The following FRRS1 variants were observed in gnomAD, a reference collection of about 807,000 sequenced individuals.
FRRS1 encodes ferric reductase 1.
FRRS1 carries 51 observed loss-of-function variants against 70.7 expected under a neutral mutation model. The observed-to-expected ratio is 0.72, with a 90% CI of 0.58 to 0.91. FRRS1 has a LOEUF of 0.91. Among genes scored for constraint, FRRS1 ranks in the 40% least tolerant of loss-of-function variants. The pLI is 0.00. For missense variants in FRRS1, 672 were observed against 726.0 expected (o/e 0.93, Z 0.86); for synonymous variants, 225 against 238.7 (o/e 0.94, Z 0.53).
chr1:99,747,237 G>A (rs78283640), intron 4 of FRRS1, 57 bp downstream of exon 4: 20 of 1,393,408 alleles, frequency 1.4e-5, no homozygotes, highest in Non-Finnish European at 1.7e-5. Flanking sequence ...TTTCCCCAGG[G>A]GTGGGGTCTG....
chr1:99,764,978 C>A (rs1657283648), intron 1 of FRRS1, among the ~76,000 whole-genome samples: 2 of 152,168 alleles, frequency 1.3e-5, no homozygotes, highest in South Asian at 4.1e-4. Context: ...TTTTGGTAAA[C>A]CTCTGGATAT....
At chr1:99,715,548 T>C in intron 12 of FRRS1, 38 bp downstream of exon 12, 1 of 1,154,958 alleles carries the variant, frequency 8.7e-7, no homozygotes, top group Non-Finnish European at 1.3e-6. Flanking sequence ...TGACATAAAA[T>C]GGATTTATAA....
Position 99,709,058 on chromosome 1 carries a change from G to A in FRRS1, c.1749C>T (p.Ile583=). 4 of 1,613,756 alleles carry A rather than the reference G, an allele frequency of 2.5e-6. No homozygotes were observed. The highest frequency in any genetic ancestry group is 3.4e-6 in the Non-Finnish European group (4 of 1,179,948). ...GATGGTTGATTGCAGATAAAAATAT[G>A]ATGAGAAAAGTAACATTCCCACAGA... ...IYVCGNVTFL[I]IFLSAINHL Residue 583 remains isoleucine, a synonymous_variant, in exon 17 of 17, where the codon ATC becomes ATT. Transcript: ENST00000646001.
chr1:99,737,993 G>A (rs768638324), intron 7 of FRRS1, 93 bp downstream of exon 7: 85 of 1,007,238 alleles, frequency 8.4e-5, no homozygotes, highest in African/African-American at 7.8e-4. Context: ...CACCTGCCTC[G>A]GCCTCCCAAA....
At chr1:99,738,862 G>A (rs1655810900) in intron 6 of FRRS1, among the ~76,000 whole-genome samples, 1 of 152,044 alleles carries the variant, frequency 6.6e-6, no homozygotes, top group African/African-American at 2.4e-5. Flanking sequence ...ATTGGGGGGA[G>A]AAATAAGCAA....
At chr1:99,743,384 T>A (rs6697945) in intron 4 of FRRS1, among the ~76,000 whole-genome samples, 75,216 of 152,074 alleles carry the variant, frequency 0.49, 22,611 homozygotes, top group African/African-American at 0.85. Context: ...TTTTTCAATA[T>A]ATATATTAGA....
intron 9 of FRRS1, among the ~76,000 whole-genome samples, chr1:99,720,859 A>T (rs930074041): frequency 3.3e-5 from 5 of 151,562 alleles, no homozygotes; most frequent in Admixed American, 2.6e-4. Context: ...ACACACACAC[A>T]CACACACACA....
chr1:99,741,745 A>G (rs11166316), intron 5 of FRRS1, among the ~76,000 whole-genome samples: 75,208 of 152,126 alleles, frequency 0.49, 22,607 homozygotes, highest in African/African-American at 0.85. Context: ...ATTATATAAC[A>G]TAAAGACTCA....
intron 9 of FRRS1, among the ~76,000 whole-genome samples, chr1:99,726,025 C>G (rs1032083684): frequency 1.3e-5 from 2 of 152,162 alleles, no homozygotes; most frequent in Non-Finnish European, 2.9e-5. Context: ...TGCTCCCACC[C>G]AAATCTCACT....
Position 99,705,026 on chromosome 1 carries a change from A to T in FRRS1, c.*4002T>A, listed in dbSNP as rs751840367. 7.2e-5 allele frequency among the ~76,000 whole-genome samples: 11 copies of T among 152,236 alleles called. No homozygotes were observed. Among genetic ancestry groups the T allele is most frequent in the Non-Finnish European group, 1.0e-4 (7 of 68,030 alleles). The stretch of plus-strand genomic sequence containing the variant: ...ACAGAAAGCCCTCTGTCCTTGCAAT[A>T]AGGCAGGGGTCTAATTGAGCTAACA... On this transcript the variant is annotated 3_prime_UTR_variant, in exon 17 of 17. Coordinates refer to ENST00000646001, the MANE Select transcript of FRRS1 (RefSeq NM_001361041.2).
In FRRS1 at chr1:99,708,240, C is replaced by A. The variant is rs142176366; in HGVS notation, c.*788G>T. Reference sequence around the variant, plus strand: ...ACAGTTTCTAAATAAAGTCCACAGACCATTCAGATAAACTAGTAAAAATAG... The same window carrying A: ...ACAGTTTCTAAATAAAGTCCACAGAACATTCAGATAAACTAGTAAAAATAG... On this transcript the variant is annotated 3_prime_UTR_variant, in exon 17 of 17. Coordinates refer to ENST00000646001, the MANE Select transcript of FRRS1 (RefSeq NM_001361041.2). Among the ~76,000 whole-genome samples the A allele has an allele frequency of 4.6e-5, 7 of 152,100 alleles. No individual in the cohort carries two copies. Among genetic ancestry groups the A allele is most frequent in the African/African-American group, 1.4e-4 (6 of 41,412 alleles).
chr1:99,758,716 TGGG>T lies in FRRS1; in HGVS notation c.-106+7888_-106+7890del, dbSNP rs1434509597. Among the ~76,000 whole-genome samples the T allele has an allele frequency of 6.9e-3, 1,050 of 152,204 alleles. 17 individuals are homozygous for T. The highest frequency in any genetic ancestry group is 0.024 in the African/African-American group (1,005 of 41,538). On this transcript the variant is annotated intron_variant, in intron 1 of 16. Transcript: ENST00000646001. ...CATAAGGTCTGACTGCCTGCGGGGT[TGGG>T]CAAAAAAAGCCATATTTTTCTTCTT...
At chr1:99,748,804 T>C (rs769835680) in intron 2 of FRRS1, 36 bp from the exon 3 acceptor site, 6 of 1,508,602 alleles carry the variant, frequency 4.0e-6, no homozygotes, top group South Asian at 1.2e-5. Flanking sequence ...TATTGTCATA[T>C]ATAATTAAAA....
intron 1 of FRRS1, among the ~76,000 whole-genome samples, chr1:99,750,107 G>A (rs1656498595): frequency 6.6e-6 from 1 of 152,180 alleles, no homozygotes. Flanking sequence ...TACATGACCT[G>A]GAGGATGGGA....
At chr1:99,721,034 T>G (rs1379356446) in intron 9 of FRRS1, among the ~76,000 whole-genome samples, 15 of 152,184 alleles carry the variant, frequency 9.9e-5, no homozygotes, top group Non-Finnish European at 1.9e-4. Flanking sequence ...TAAAATCCAT[T>G]GAGTTTTTGG....
In FRRS1 at chr1:99,742,304, A is replaced by C. The variant is rs563580745; in HGVS notation, c.334-31T>G. 4 of 1,333,852 alleles carry C rather than the reference A, an allele frequency of 3.0e-6. No homozygotes were observed. In the African/African-American group the frequency reaches 4.3e-5, roughly 14 times the overall value. 82.6% of individuals were successfully genotyped at this position (1,333,852 alleles called of 1,614,324 possible). A position where few individuals can be genotyped will look rare whatever the true frequency, so the allele number is the denominator to read the frequency against. On this transcript the variant is annotated intron_variant, in intron 4 of 16. Transcript: ENST00000646001. ...ATAAAAGGGAAAAGAGCTACCATTCAGTCACTCAATAGCTCAGCATGGCTG... is the reference window on the plus strand; with the variant it reads ...ATAAAAGGGAAAAGAGCTACCATTCCGTCACTCAATAGCTCAGCATGGCTG...
intron 9 of FRRS1, among the ~76,000 whole-genome samples, chr1:99,722,160 C>A (rs1241096655): frequency 1.3e-5 from 2 of 151,972 alleles, no homozygotes; most frequent in Non-Finnish European, 2.9e-5. Context: ...CAGACACACA[C>A]CACCATGCCC....
chr1:99,736,254 G>C (rs980528930), intron 7 of FRRS1, among the ~76,000 whole-genome samples: 3 of 152,114 alleles, frequency 2.0e-5, no homozygotes, highest in Admixed American at 2.0e-4. Context: ...AAAGGAAGTG[G>C]GGAAGATGTT....
At chr1:99,727,668 G>C (rs1335862931) in intron 9 of FRRS1, among the ~76,000 whole-genome samples, 2 of 152,064 alleles carry the variant, frequency 1.3e-5, no homozygotes, top group Non-Finnish European at 2.9e-5. Context: ...CTCCACTCTA[G>C]ACATCTACCT....
Sources: gnomAD v4.1 joint callset for allele counts (sites outside exome capture counted in the v4.1 genomes callset) on GRCh38, gnomAD v4.1.1 for gene constraint, MANE v1.5 for transcripts, NCBI Gene and HGNC (gene_info 2026-07-23, HGNC 2026-07-21) for gene names.